NRXN3: variants seen among roughly 807,000 people sequenced by gnomAD.
NRXN3 encodes the protein neurexin 3.
Under a neutral mutation model 137.6 loss-of-function variants are expected in NRXN3, and 32 were observed. The observed-to-expected ratio is 0.23, with a 90% CI of 0.18 to 0.31. The LOEUF (loss-of-function observed/expected upper bound fraction) is 0.31, where lower values mean the gene tolerates loss of function less well. Among genes scored for constraint, NRXN3 ranks in the 10% least tolerant of loss-of-function variants. The pLI, the probability that NRXN3 is intolerant of heterozygous loss-of-function variation, is 1.00. For missense variants in NRXN3, 1,574 were observed against 2,062.5 expected, an observed-to-expected ratio of 0.76 and a Z score of 4.59; for synonymous variants, 798 against 784.5, an observed-to-expected ratio of 1.02 and a Z score of -0.29.
intron 16 of NRXN3, among the ~76,000 whole-genome samples, chr14:79,469,692 G>A (rs574322019): frequency 6.6e-6 from 1 of 152,246 alleles, no homozygotes; most frequent in South Asian, 2.1e-4. Flanking sequence ...AGGAAATGAT[G>A]TCACCTGACC....
chr14:78,388,847 G>C (rs1370514532), intron 4 of NRXN3, among the ~76,000 whole-genome samples: 1 of 151,754 alleles, frequency 6.6e-6, no homozygotes, highest in African/African-American at 2.4e-5. Flanking sequence ...TAACTTTAAT[G>C]GTTGAATAAT....
In NRXN3 at chr14:78,231,331, T is replaced by G. The variant is rs890616140; in HGVS notation, c.-703-11060T>G. Reference sequence around the variant, plus strand: ...GTAGTGCCTTGGCTCTAAATTGGGGTGAGGGTGTTTGGTCCTTCTAGGCAT... The same window carrying G: ...GTAGTGCCTTGGCTCTAAATTGGGGGGAGGGTGTTTGGTCCTTCTAGGCAT... On this transcript the variant is annotated intron_variant, in intron 1 of 20. Coordinates refer to ENST00000335750, the MANE Select transcript of NRXN3 (RefSeq NM_001330195.2). 4 of 152,242 alleles carry G rather than the reference T, an allele frequency of 2.6e-5. No homozygotes were observed. The East Asian group carries it at 5.8e-4, about 22-fold the overall frequency. 9.4% of individuals were successfully genotyped at this position (152,242 alleles called of 1,614,324 possible).
intron 4 of NRXN3, among the ~76,000 whole-genome samples, chr14:78,420,329 A>G (rs1403000703): frequency 2.0e-5 from 3 of 152,254 alleles, no homozygotes; most frequent in African/African-American, 7.2e-5. Context: ...AGAAAAGTTT[A>G]TATCAGTTTG....
chr14:78,897,251 A>T (rs571117385), intron 10 of NRXN3, among the ~76,000 whole-genome samples: 3 of 152,106 alleles, frequency 2.0e-5, no homozygotes, highest in South Asian at 4.1e-4. Context: ...GGAAACAAAG[A>T]TGCTTATAGA....
intron 4 of NRXN3, among the ~76,000 whole-genome samples, chr14:78,625,521 T>C (rs2097449853): frequency 6.6e-6 from 1 of 152,224 alleles, no homozygotes; most frequent in Non-Finnish European, 1.5e-5. Flanking sequence ...GGCAACCTCC[T>C]TGTACTCTCC....
chr14:78,880,113 G>A (rs1481110081), intron 10 of NRXN3, among the ~76,000 whole-genome samples: 1 of 146,630 alleles, frequency 6.8e-6, no homozygotes, highest in Non-Finnish European at 1.5e-5. Context: ...AGTGGCGGGC[G>A]CCTGTAGTCC....
intron 15 of NRXN3, among the ~76,000 whole-genome samples, chr14:79,008,055 C>A (rs2099557304): frequency 6.6e-6 from 1 of 152,042 alleles, no homozygotes; most frequent in South Asian, 2.1e-4. Context: ...GGGAAGTAAA[C>A]CCTACCGCTG....
At chr14:79,558,222 T>C (rs2097450949) in intron 16 of NRXN3, among the ~76,000 whole-genome samples, 1 of 152,136 alleles carries the variant, frequency 6.6e-6, no homozygotes, top group Non-Finnish European at 1.5e-5. Context: ...TTCAAAGTCT[T>C]AGTAATGTTG....
At chr14:78,336,791 C>T (rs752906347) in intron 4 of NRXN3, among the ~76,000 whole-genome samples, 9 of 152,098 alleles carry the variant, frequency 5.9e-5, no homozygotes, top group Non-Finnish European at 1.2e-4. Context: ...CTTATCTGCT[C>T]TCCTATGAGA....
intron 8 of NRXN3, among the ~76,000 whole-genome samples, chr14:78,763,086 AC>A (rs2098697932): frequency 6.6e-6 from 1 of 152,242 alleles, no homozygotes; most frequent in African/African-American, 2.4e-5. Context: ...GTCACTGCCA[AC>A]AAATGGCAAA....
At chr14:78,439,945 G>A (rs1229289901) in intron 4 of NRXN3, among the ~76,000 whole-genome samples, 1 of 152,094 alleles carries the variant, frequency 6.6e-6, no homozygotes, top group African/African-American at 2.4e-5. Context: ...GGCCCCAAAT[G>A]CCAGGAAGGT....
intron 9 of NRXN3, among the ~76,000 whole-genome samples, chr14:78,807,734 C>CAAAAGAAAAAAA (rs1567370197): frequency 9.0e-6 from 1 of 111,724 alleles, no homozygotes; most frequent in African/African-American, 3.2e-5. Context: ...GATTCTGTCT[C>CAAAAGAAAAAAA]AAAAAAAAAA....
At chr14:79,281,432 G>A (rs936088716) in intron 15 of NRXN3, among the ~76,000 whole-genome samples, 5 of 152,150 alleles carry the variant, frequency 3.3e-5, no homozygotes, top group Middle Eastern at 6.3e-3. Flanking sequence ...CTAAAAGGGC[G>A]ATGTCTGCAG....
chr14:78,928,670 T>C (rs1436338999), intron 10 of NRXN3, among the ~76,000 whole-genome samples: 1 of 152,224 alleles, frequency 6.6e-6, no homozygotes, highest in Non-Finnish European at 1.5e-5. Context: ...ATGGTGTTTG[T>C]GTGCCACATT....
chr14:78,268,687 G>C (rs2153484178), intron 2 of NRXN3, among the ~76,000 whole-genome samples: 1 of 152,300 alleles, frequency 6.6e-6, no homozygotes, highest in South Asian at 2.1e-4. Flanking sequence ...TGAGATGCCT[G>C]AACTTGGGGG....
rs1401416742 is a variant in NRXN3 at position 79,805,115 on chromosome 14, A to G, written c.4018A>G (p.Thr1340Ala). 6 of 1,610,850 alleles carry G rather than the reference A, an allele frequency of 3.7e-6. No homozygotes were observed. The highest frequency in any genetic ancestry group is 1.3e-5 in the African/African-American group (1 of 74,780). The part of the protein sequence containing the change: ...KNRSTASIQP[T>A]SDDLVSSAEC... Reference sequence around the variant, plus strand: ...ATTTTCTCTTTGACATAAACAGCCAACATCAGATGATCTTGTTTCATCTGC... The same window carrying G: ...ATTTTCTCTTTGACATAAACAGCCAGCATCAGATGATCTTGTTTCATCTGC... Residue 1340 changes from threonine (T) to alanine (A), a missense_variant, in exon 20 of 21, where the codon ACA becomes GCA. Physicochemically the swap from Thr to Ala is moderately conservative, Grantham distance 58. Coordinates refer to ENST00000335750, the MANE Select transcript of NRXN3 (RefSeq NM_001330195.2).
chr14:78,566,093 A>T lies in NRXN3; in HGVS notation c.758-79027A>T, dbSNP rs1428096005. Among the ~76,000 whole-genome samples the T allele has an allele frequency of 5.9e-5, 9 of 152,010 alleles. 1 individual carries two copies. The highest frequency in any genetic ancestry group is 5.9e-4 in the Admixed American group (9 of 15,262). On this transcript the variant is annotated intron_variant, in intron 4 of 20. Coordinates refer to ENST00000335750, the MANE Select transcript of NRXN3 (RefSeq NM_001330195.2). ...TTTTTTGGTTGATCAATTGTGCCCA[A>T]CTTCCTGATCATACTTGTCCTGAGA...
chr14:79,540,183 A>G (rs955996737), intron 16 of NRXN3, among the ~76,000 whole-genome samples: 2 of 112,568 alleles, frequency 1.8e-5, no homozygotes, highest in Non-Finnish European at 1.8e-5. Context: ...AAGGATGAAG[A>G]GACTTGAAAC....
intron 8 of NRXN3, among the ~76,000 whole-genome samples, chr14:78,741,104 G>A (rs972805873): frequency 5.3e-5 from 8 of 152,162 alleles, no homozygotes; most frequent in Non-Finnish European, 8.8e-5. Flanking sequence ...CCCTCACTGG[G>A]ATAGAGATGT....
Sources: allele counts gnomAD v4.1 joint callset (sites outside exome capture counted in the v4.1 genomes callset), GRCh38; gene constraint gnomAD v4.1.1; transcripts MANE v1.5; gene names NCBI Gene and HGNC (gene_info 2026-07-23, HGNC 2026-07-21).